CPNE4: variants seen among roughly 807,000 people sequenced by gnomAD.
The protein encoded by CPNE4 is copine-4.
In CPNE4, 25 loss-of-function variants were observed where a neutral mutation model predicts 67.9. The ratio of observed to expected loss-of-function variants is 0.37; its 90% CI spans 0.27 to 0.51. CPNE4 has a LOEUF of 0.51. Ranked by LOEUF, CPNE4 falls within the 20% of genes least tolerant of loss-of-function variation. CPNE4 has a pLI of 0.93. For missense variants in CPNE4, 464 were observed against 690.8 expected (o/e 0.67, Z 3.68); for synonymous variants, 242 against 244.9 (o/e 0.99, Z 0.11).
In CPNE4 at chr3:131,574,789, T is replaced by C. The variant is rs192781588; in HGVS notation, c.927+282A>G. Among the ~76,000 whole-genome samples the C allele has an allele frequency of 4.0e-3, 609 of 152,240 alleles. 4 individuals carry two copies. The highest frequency in any genetic ancestry group is 0.014 in the African/African-American group (570 of 41,560). On this transcript the variant is annotated intron_variant, in intron 10 of 15. Coordinates refer to ENST00000429747, the MANE Select transcript of CPNE4 (RefSeq NM_130808.3). ...AGGCTACTCTGCTTCATGCCTCACA[T>C]AGTTACTGAAGAAATGGGAAGCGTT...
chr3:131,657,369 A>T (rs141712447), intron 7 of CPNE4, among the ~76,000 whole-genome samples: 1 of 152,268 alleles, frequency 6.6e-6, no homozygotes, highest in African/African-American at 2.4e-5. Context: ...TCAATTAATG[A>T]GTTGAATAAA....
intron 1 of CPNE4, among the ~76,000 whole-genome samples, chr3:131,935,358 A>G (rs1052546262): frequency 6.6e-6 from 1 of 152,196 alleles, no homozygotes; most frequent in Non-Finnish European, 1.5e-5. Flanking sequence ...ACATCTCAAC[A>G]AGGTAATAGA....
chr3:131,595,112 G>A (rs145188969), intron 7 of CPNE4, among the ~76,000 whole-genome samples: 81 of 152,320 alleles, frequency 5.3e-4, no homozygotes, highest in South Asian at 5.0e-3. Context: ...GTACATTGTT[G>A]TTGGGAATAT....
At chr3:131,726,107 G>C (rs187971985) in intron 2 of CPNE4, among the ~76,000 whole-genome samples, 93 of 152,348 alleles carry the variant, frequency 6.1e-4, no homozygotes, top group Non-Finnish European at 1.1e-3. Flanking sequence ...TGCTCTCCTT[G>C]TTGCTGGAAG....
upstream of CPNE4, chr3:132,037,872 G>A (rs2074364909): frequency 1.3e-5 from 5 of 379,844 alleles, no homozygotes; most frequent in South Asian, 5.5e-5. Flanking sequence ...TTTTTAAGGG[G>A]AGCAGATGAT....
chr3:131,938,208 T>G lies in CPNE4; in HGVS notation c.-1-32764A>C, dbSNP rs774972122. On this transcript the variant is annotated intron_variant, in intron 1 of 15. Transcript: ENST00000429747. ...CCTGTCTCTACAAAACATAAAAAAATTAGCTGGGCATGGTGGTGTGCATAT... is the reference window on the plus strand; with the variant it reads ...CCTGTCTCTACAAAACATAAAAAAAGTAGCTGGGCATGGTGGTGTGCATAT... Among the ~76,000 whole-genome samples, 72 of 151,800 alleles carry G rather than the reference T, an allele frequency of 4.7e-4. 1 individual carries two copies. The highest frequency in any genetic ancestry group is 1.2e-4 in the Non-Finnish European group (8 of 67,908).
intron 7 of CPNE4, among the ~76,000 whole-genome samples, chr3:131,594,672 G>C (rs1410506768): frequency 1.3e-5 from 2 of 152,046 alleles, no homozygotes; most frequent in Non-Finnish European, 2.9e-5. Flanking sequence ...TAAAAGCACA[G>C]GTAATAAAAG....
intron 2 of CPNE4, among the ~76,000 whole-genome samples, chr3:131,862,922 T>C (rs1376490935): frequency 2.0e-5 from 3 of 149,842 alleles, no homozygotes; most frequent in Non-Finnish European, 4.4e-5. Flanking sequence ...TGTGTTCTCA[T>C]TGTTCAATTC....
intron 1 of CPNE4, among the ~76,000 whole-genome samples, chr3:131,930,522 T>C (rs984145458): frequency 6.6e-6 from 1 of 152,184 alleles, no homozygotes; most frequent in Non-Finnish European, 1.5e-5. Context: ...ATAATTGTGA[T>C]AATAAATGTG....
intron 1 of CPNE4, among the ~76,000 whole-genome samples, chr3:131,956,863 G>C (rs2071990133): frequency 6.6e-6 from 1 of 152,128 alleles, no homozygotes; most frequent in South Asian, 2.1e-4. Flanking sequence ...TTAAAGACTT[G>C]TAGAATTTAT....
At chr3:131,878,379 G>A (rs538513768) in intron 2 of CPNE4, among the ~76,000 whole-genome samples, 1 of 152,280 alleles carries the variant, frequency 6.6e-6, no homozygotes, top group African/African-American at 2.4e-5. Flanking sequence ...AGCACATGCG[G>A]TATGATATAT....
chr3:131,853,593 CT>C (rs1259015251), intron 2 of CPNE4, among the ~76,000 whole-genome samples: 10 of 151,682 alleles, frequency 6.6e-5, no homozygotes, highest in Admixed American at 6.6e-4. Flanking sequence ...TTTAACCAAA[CT>C]TTTTTTCTCT....
intron 7 of CPNE4, among the ~76,000 whole-genome samples, chr3:131,624,046 A>C (rs927008169): frequency 6.6e-6 from 1 of 152,002 alleles, no homozygotes; most frequent in African/African-American, 2.4e-5. Context: ...CCTTCTCACC[A>C]TCCTCCTTAG....
At chr3:131,789,005 GACACACACACAC>G (rs150450935) in intron 2 of CPNE4, among the ~76,000 whole-genome samples, 3 of 133,746 alleles carry the variant, frequency 2.2e-5, no homozygotes, top group African/African-American at 8.3e-5. Flanking sequence ...AACTCAACCA[GACACACACACAC>G]ACACACACAC....
At chr3:131,861,678 C>T (rs1014318645) in intron 2 of CPNE4, among the ~76,000 whole-genome samples, 3 of 152,118 alleles carry the variant, frequency 2.0e-5, no homozygotes, top group Non-Finnish European at 2.9e-5. Context: ...GGCGATCCAC[C>T]GGCCTCGGCC....
intron 1 of CPNE4, among the ~76,000 whole-genome samples, chr3:131,934,458 G>C (rs2071161073): frequency 6.6e-6 from 1 of 152,154 alleles, no homozygotes; most frequent in Non-Finnish European, 1.5e-5. Context: ...TACATGTACA[G>C]AACATGCAGG....
chr3:131,868,282 T>C (rs892300696), intron 2 of CPNE4, among the ~76,000 whole-genome samples: 6 of 152,138 alleles, frequency 3.9e-5, no homozygotes, highest in Non-Finnish European at 7.3e-5. Flanking sequence ...CTCTCTACGT[T>C]CTGGCAGAAG....
chr3:131,542,353 C>G (rs13072125), intron 15 of CPNE4, among the ~76,000 whole-genome samples: 22,543 of 152,000 alleles, frequency 0.15, 1,889 homozygotes, highest in African/African-American at 0.22. Context: ...GAGTCATGCT[C>G]TATATATCCT....
intron 7 of CPNE4, among the ~76,000 whole-genome samples, chr3:131,637,261 G>T (rs372282578): frequency 5.3e-4 from 81 of 152,078 alleles, no homozygotes; most frequent in African/African-American, 1.8e-3. Context: ...ACCAGAGAAA[G>T]GTAAAGTCGA....
Sources: gnomAD v4.1 joint callset for allele counts (sites outside exome capture counted in the v4.1 genomes callset) on GRCh38, gnomAD v4.1.1 for gene constraint, MANE v1.5 for transcripts, NCBI Gene and HGNC (gene_info 2026-07-23, HGNC 2026-07-21) for gene names.